SPOCK3: variants seen among roughly 807,000 people sequenced by gnomAD.
SPOCK3 encodes SPARC (osteonectin), cwcv and kazal like domains proteoglycan 3, also known as testican-3.
In SPOCK3, 30 loss-of-function variants were observed where a neutral mutation model predicts 56.6. The observed-to-expected ratio is 0.53, with a 90% CI of 0.40 to 0.72. SPOCK3 has a LOEUF of 0.72. Among genes scored for constraint, SPOCK3 ranks in the 30% least tolerant of loss-of-function variants. The pLI is 0.00. For missense variants in SPOCK3, 527 were observed against 530.0 expected, an observed-to-expected ratio of 0.99 and a Z score of 0.06; for synonymous variants, 196 against 183.3, an observed-to-expected ratio of 1.07 and a Z score of -0.56.
intron 3 of SPOCK3, among the ~76,000 whole-genome samples, chr4:167,048,983 C>A (rs566775606): frequency 6.6e-6 from 1 of 152,070 alleles, no homozygotes; most frequent in South Asian, 2.1e-4. Context: ...GAAGTGTTAA[C>A]TGAAAAATCA....
At chr4:167,219,551 T>G (rs1735697873) in intron 2 of SPOCK3, among the ~76,000 whole-genome samples, 1 of 152,192 alleles carries the variant, frequency 6.6e-6, no homozygotes, top group African/African-American at 2.4e-5. Flanking sequence ...GATTGAGTTT[T>G]GGCATTTTTG....
At chr4:167,216,828 T>C (rs7683098) in intron 2 of SPOCK3, among the ~76,000 whole-genome samples, 25,161 of 152,054 alleles carry the variant, frequency 0.17, 2,328 homozygotes, top group African/African-American at 0.24. Flanking sequence ...TCTGAGTTTC[T>C]GCGCCCCAAA....
At chr4:166,924,510 G>GA (rs1325848240) in intron 4 of SPOCK3, among the ~76,000 whole-genome samples, 1 of 152,164 alleles carries the variant, frequency 6.6e-6, no homozygotes, top group African/African-American at 2.4e-5. Flanking sequence ...ATTTCCCCTT[G>GA]AAAAATGCTC....
At chr4:167,064,048 A>T (rs1639656456) in intron 2 of SPOCK3, among the ~76,000 whole-genome samples, 1 of 151,770 alleles carries the variant, frequency 6.6e-6, no homozygotes, top group Non-Finnish European at 1.5e-5. Context: ...TAGTGTCTCC[A>T]CTGTATAAGG....
chr4:167,092,335 G>T (rs1355816548), intron 2 of SPOCK3, among the ~76,000 whole-genome samples: 1 of 152,066 alleles, frequency 6.6e-6, no homozygotes, highest in Non-Finnish European at 1.5e-5. Context: ...TCTTTGATGT[G>T]CCTTCTGGGT....
rs563597520 is a variant in SPOCK3 at position 166,801,550 on chromosome 4, T to C, written c.590-9261A>G. Among the ~76,000 whole-genome samples, 19 of 152,240 alleles carry C rather than the reference T, an allele frequency of 1.2e-4. 1 individual carries two copies. The South Asian group carries it at 3.9e-3, about 32-fold the overall frequency. ...TATTCAACAAATTATTACTGTATCTTATTACTGTGTTTCCTTTGAAAAACC... is the reference window on the plus strand; with the variant it reads ...TATTCAACAAATTATTACTGTATCTCATTACTGTGTTTCCTTTGAAAAACC... On this transcript the variant is annotated intron_variant, in intron 6 of 10. Coordinates refer to ENST00000357545, the MANE Select transcript of SPOCK3 (RefSeq NM_001040159.2).
At chr4:166,959,594 A>G (rs1247824943) in intron 4 of SPOCK3, among the ~76,000 whole-genome samples, 1 of 146,646 alleles carries the variant, frequency 6.8e-6, no homozygotes, top group Non-Finnish European at 1.5e-5. Flanking sequence ...CCTGGGCAAC[A>G]GAGCAAGAGT....
Position 167,233,993 on chromosome 4 carries a change from A to C in SPOCK3, c.181T>G (p.Phe61Val), listed in dbSNP as rs1213524096. 6.2e-7 allele frequency: 1 copy of C among 1,613,238 alleles called. No homozygotes were observed. Among genetic ancestry groups the C allele is most frequent in the Non-Finnish European group, 8.5e-7 (1 of 1,179,346 alleles). The change falls in exon 2 of 11, where the codon TTC (phenylalanine) becomes GTC (valine). Residue 61 changes from phenylalanine to valine, a missense_variant. Phe to Val is a conservative substitution (Grantham distance 50). Coordinates refer to ENST00000357545, the MANE Select transcript of SPOCK3 (RefSeq NM_001040159.2). ...YDKEVGQWNK[F>V]RDDDYFRTWS... ...GGGTGCGCGGAACTTACGTCTCGGAATTTGTTCCACTGTCCGACTTCCTTG... is the reference window on the plus strand; with the variant it reads ...GGGTGCGCGGAACTTACGTCTCGGACTTTGTTCCACTGTCCGACTTCCTTG...
chr4:166,974,521 C>T (rs1745736138), intron 4 of SPOCK3, among the ~76,000 whole-genome samples: 1 of 152,066 alleles, frequency 6.6e-6, no homozygotes. Flanking sequence ...AAATAATAAT[C>T]TATAATATGT....
intron 2 of SPOCK3, among the ~76,000 whole-genome samples, chr4:167,190,986 G>GT (rs1446087765): frequency 6.9e-6 from 1 of 145,506 alleles, no homozygotes; most frequent in Non-Finnish European, 1.5e-5. Context: ...CTAAGTGTCT[G>GT]TTTTTATGCC....
intron 2 of SPOCK3, among the ~76,000 whole-genome samples, chr4:167,197,600 C>T (rs1733079518): frequency 6.9e-6 from 1 of 144,362 alleles, no homozygotes; most frequent in Non-Finnish European, 1.5e-5. Context: ...GTCTTCATTG[C>T]CTTCAACCAG....
intron 2 of SPOCK3, among the ~76,000 whole-genome samples, chr4:167,202,462 A>G (rs1296030533): frequency 6.6e-6 from 1 of 152,030 alleles, no homozygotes; most frequent in Non-Finnish European, 1.5e-5. Context: ...TTAACTAGTT[A>G]GCAGGTATCA....
intron 2 of SPOCK3, among the ~76,000 whole-genome samples, chr4:167,150,453 G>A (rs924282346): frequency 2.6e-5 from 4 of 152,054 alleles, no homozygotes; most frequent in African/African-American, 9.7e-5. Flanking sequence ...AGGGAAAGGC[G>A]AGGTTGAAAT....
intron 6 of SPOCK3, among the ~76,000 whole-genome samples, chr4:166,832,529 G>C (rs536364730): frequency 6.6e-6 from 1 of 152,152 alleles, no homozygotes; most frequent in Admixed American, 6.5e-5. Flanking sequence ...ACTTAAAAGA[G>C]AACTAACATT....
rs369138448 is a variant in SPOCK3, at chr4:166,978,902, C to T, written c.350+21447G>A. Among the ~76,000 whole-genome samples, 73 of 152,036 alleles carry T rather than the reference C, an allele frequency of 4.8e-4. 1 individual carries two copies. Among genetic ancestry groups the T allele is most frequent in the African/African-American group, 1.4e-3 (58 of 41,472 alleles). On this transcript the variant is annotated intron_variant, in intron 4 of 10. Transcript: ENST00000357545. Reference sequence around the variant, plus strand: ...AAGACATCAAAAACATTTTTATTTCCAGAAAAGGGATATGAGTGCGGAAGA... The same window carrying T: ...AAGACATCAAAAACATTTTTATTTCTAGAAAAGGGATATGAGTGCGGAAGA...
chr4:166,950,525 A>G (rs1006342213), intron 4 of SPOCK3, among the ~76,000 whole-genome samples: 1 of 152,034 alleles, frequency 6.6e-6, no homozygotes, highest in African/African-American at 2.4e-5. Context: ...AGACAGATCA[A>G]TGAGACAGAA....
At chr4:166,928,899 C>A (rs1739413515) in intron 4 of SPOCK3, among the ~76,000 whole-genome samples, 1 of 152,026 alleles carries the variant, frequency 6.6e-6, no homozygotes, top group African/African-American at 2.4e-5. Flanking sequence ...ACTCAGGAGG[C>A]AGAGTTTGTA....
rs181970676 is a variant in SPOCK3 at position 167,142,657 on chromosome 4, T to C, written c.190-80120A>G. 3.9e-5 allele frequency among the ~76,000 whole-genome samples: 6 copies of C among 151,928 alleles called. No individual in the cohort carries two copies. The East Asian group carries it at 1.2e-3, about 30-fold the overall frequency. On this transcript the variant is annotated intron_variant, in intron 2 of 10. Coordinates refer to ENST00000357545, the MANE Select transcript of SPOCK3 (RefSeq NM_001040159.2). ...ATTGAAAACCGAACTAAAGTTTTAT[T>C]GGAAGGTGTGAGGAAAAGTAGCAAT...
At chr4:166,861,075 A>C (rs1156721397) in intron 6 of SPOCK3, among the ~76,000 whole-genome samples, 1 of 152,026 alleles carries the variant, frequency 6.6e-6, no homozygotes, top group Non-Finnish European at 1.5e-5. Context: ...ATAAACAATT[A>C]GGATCATCCA....
Sources: allele counts gnomAD v4.1 joint callset (sites outside exome capture counted in the v4.1 genomes callset), GRCh38; gene constraint gnomAD v4.1.1; transcripts MANE v1.5; gene names NCBI Gene and HGNC (gene_info 2026-07-23, HGNC 2026-07-21).